NRG3: variants seen among roughly 807,000 people sequenced by gnomAD.
NRG3 encodes neuregulin 3.
In NRG3, 31 loss-of-function variants were observed where a neutral mutation model predicts 66.9. That is an observed-to-expected ratio of 0.46 (90% CI 0.35 to 0.63). The LOEUF (loss-of-function observed/expected upper bound fraction) is 0.63. Among genes scored for constraint, NRG3 ranks in the 20% least tolerant of loss-of-function variants. NRG3 has a pLI of 0.00. For missense variants in NRG3, 910 were observed against 878.9 expected (o/e 1.04, Z -0.45); for synonymous variants, 393 against 359.4 (o/e 1.09, Z -1.06).
chr10:82,240,816 T>G (rs541734007), intron 1 of NRG3, among the ~76,000 whole-genome samples: 1 of 152,260 alleles, frequency 6.6e-6, no homozygotes, highest in African/African-American at 2.4e-5. Flanking sequence ...ATTGGTTGAG[T>G]TTTCTTCTCC....
intron 1 of NRG3, among the ~76,000 whole-genome samples, chr10:81,967,411 A>G (rs2059771366): frequency 6.6e-6 from 1 of 151,806 alleles, no homozygotes; most frequent in African/African-American, 2.4e-5. Context: ...TTAACTTTAG[A>G]AATATTCTGA....
At chr10:82,518,100 A>G (rs1184174501) in intron 2 of NRG3, among the ~76,000 whole-genome samples, 1 of 152,198 alleles carries the variant, frequency 6.6e-6, no homozygotes, top group Non-Finnish European at 1.5e-5. Context: ...GACATAGGAC[A>G]TGTTTCTTAA....
chr10:82,402,226 T>A (rs546033953), intron 2 of NRG3, among the ~76,000 whole-genome samples: 30 of 152,056 alleles, frequency 2.0e-4, no homozygotes, highest in Admixed American at 1.2e-3. Context: ...TTATTAAGAA[T>A]AAATAGTCAT....
chr10:82,703,677 A>G (rs970916166), intron 2 of NRG3, among the ~76,000 whole-genome samples: 2 of 152,188 alleles, frequency 1.3e-5, no homozygotes, highest in Non-Finnish European at 2.9e-5. Context: ...AATATATTGT[A>G]TAAGAAATTC....
intron 1 of NRG3, among the ~76,000 whole-genome samples, chr10:82,270,379 T>G (rs1282366282): frequency 1.3e-5 from 2 of 152,134 alleles, no homozygotes; most frequent in Non-Finnish European, 2.9e-5. Flanking sequence ...GGTCCCTTCC[T>G]TGCTTAGAAA....
At chr10:82,158,213 A>G (rs1245479271) in intron 1 of NRG3, among the ~76,000 whole-genome samples, 1 of 151,840 alleles carries the variant, frequency 6.6e-6, no homozygotes, top group Non-Finnish European at 1.5e-5. Context: ...ATGTTAGTCA[A>G]CATCAAAGTC....
chr10:82,335,512 G>A (rs1158648259), intron 1 of NRG3, among the ~76,000 whole-genome samples: 2 of 152,034 alleles, frequency 1.3e-5, no homozygotes, highest in African/African-American at 2.4e-5. Context: ...GGAAATTGGG[G>A]GTTCAATAAG....
chr10:82,629,455 T>C (rs1010042546), intron 2 of NRG3, among the ~76,000 whole-genome samples: 3 of 152,234 alleles, frequency 2.0e-5, no homozygotes, highest in Admixed American at 6.5e-5. Context: ...GATACCATTC[T>C]GGTCGGTAAG....
chr10:82,743,372 G>A (rs935199140), intron 3 of NRG3, among the ~76,000 whole-genome samples: 2 of 152,106 alleles, frequency 1.3e-5, no homozygotes, highest in Non-Finnish European at 2.9e-5. Context: ...TGGTCTGGAT[G>A]TGATTCAGAG....
intron 2 of NRG3, among the ~76,000 whole-genome samples, chr10:82,374,692 C>T (rs2085100132): frequency 1.3e-5 from 2 of 152,176 alleles, no homozygotes; most frequent in South Asian, 4.1e-4. Flanking sequence ...TGCTGTGGGT[C>T]CACAGCCGCA....
intron 1 of NRG3, among the ~76,000 whole-genome samples, chr10:82,085,919 T>G (rs2065697214): frequency 6.6e-6 from 1 of 152,144 alleles, no homozygotes; most frequent in South Asian, 2.1e-4. Context: ...CTTACAGGCA[T>G]GAGCCACCGC....
intron 1 of NRG3, among the ~76,000 whole-genome samples, chr10:81,918,126 A>G (rs1235053631): frequency 6.6e-6 from 1 of 152,206 alleles, no homozygotes; most frequent in African/African-American, 2.4e-5. Flanking sequence ...ACCATTTGAC[A>G]TTTTTAAGAA....
intron 1 of NRG3, among the ~76,000 whole-genome samples, chr10:81,918,629 CTCTTT>C (rs1478234717): frequency 6.6e-6 from 1 of 152,036 alleles, no homozygotes; most frequent in African/African-American, 2.4e-5. Flanking sequence ...TAGCATGCAC[CTCTTT>C]TCTTTGATAT....
chr10:82,717,187 A>G (rs911842695), intron 2 of NRG3, among the ~76,000 whole-genome samples: 2 of 152,146 alleles, frequency 1.3e-5, no homozygotes, highest in African/African-American at 2.4e-5. Flanking sequence ...TAAGCTTTAC[A>G]TCTAGAAACA....
chr10:82,414,005 T>C (rs2136180474), intron 2 of NRG3, among the ~76,000 whole-genome samples: 1 of 152,298 alleles, frequency 6.6e-6, no homozygotes, highest in African/African-American at 2.4e-5. Flanking sequence ...TTTTTTGCTT[T>C]CTTATTATCT....
intron 5 of NRG3, among the ~76,000 whole-genome samples, chr10:82,958,352 G>A (rs1008192635): frequency 6.6e-6 from 1 of 152,148 alleles, no homozygotes; most frequent in African/African-American, 2.4e-5. Context: ...TCTGTGAAAT[G>A]ATACATATAA....
intron 3 of NRG3, among the ~76,000 whole-genome samples, chr10:82,829,078 A>G (rs1200600027): frequency 1.3e-5 from 2 of 152,150 alleles, no homozygotes; most frequent in Non-Finnish European, 2.9e-5. Context: ...TTCTAAGCAT[A>G]TACACCTTAT....
chr10:81,953,819 C>T (rs1849586110), intron 1 of NRG3, among the ~76,000 whole-genome samples: 1 of 152,210 alleles, frequency 6.6e-6, no homozygotes, highest in African/African-American at 2.4e-5. Flanking sequence ...CTTTTTCATC[C>T]TGTCTTTGTT....
intron 6 of NRG3, among the ~76,000 whole-genome samples, chr10:82,961,157 T>G (rs1850600201): frequency 6.6e-6 from 1 of 152,188 alleles, no homozygotes; most frequent in Non-Finnish European, 1.5e-5. Flanking sequence ...ACACTTCCAT[T>G]TGCTAGAGAA....
Sources: allele counts gnomAD v4.1 joint callset (sites outside exome capture counted in the v4.1 genomes callset), GRCh38; gene constraint gnomAD v4.1.1; transcripts MANE v1.5; gene names NCBI Gene and HGNC (gene_info 2026-07-23, HGNC 2026-07-21).